SLK: variants seen among roughly 807,000 people sequenced by gnomAD.
SLK encodes the protein STE20 like kinase.
A neutral mutation model predicts 147.7 loss-of-function variants in SLK; 67 were observed. That is an observed-to-expected ratio of 0.45 (90% CI 0.37 to 0.56). The LOEUF (loss-of-function observed/expected upper bound fraction) is 0.56. Among genes scored for constraint, SLK ranks in the 20% least tolerant of loss-of-function variants. SLK has a pLI of 0.00. For missense variants in SLK, 1,136 were observed against 1,438.8 expected (o/e 0.79, Z 3.41); for synonymous variants, 441 against 475.0 (o/e 0.93, Z 0.93).
At chr10:103,997,524 C>T (rs1430137883) in intron 4 of SLK, among the ~76,000 whole-genome samples, 1 of 151,916 alleles carries the variant, frequency 6.6e-6, no homozygotes, top group Non-Finnish European at 1.5e-5. Flanking sequence ...GCAACTGCAC[C>T]ATTTTACATT....
intron 18 of SLK, among the ~76,000 whole-genome samples, chr10:104,023,672 A>G (rs1447425311): frequency 6.6e-6 from 1 of 152,082 alleles, no homozygotes; most frequent in Non-Finnish European, 1.5e-5. Context: ...TGGTCACTGT[A>G]TCTCAGTAGC....
chr10:103,988,514 A>G (rs1844048480), intron 1 of SLK, among the ~76,000 whole-genome samples: 1 of 152,154 alleles, frequency 6.6e-6, no homozygotes, highest in Non-Finnish European at 1.5e-5. Flanking sequence ...TTAATTTCAC[A>G]CACAAAAATT....
intron 1 of SLK, among the ~76,000 whole-genome samples, chr10:103,980,922 A>G (rs1843932891): frequency 1.3e-5 from 2 of 152,102 alleles, no homozygotes; most frequent in Non-Finnish European, 2.9e-5. Context: ...CTGTAGCTGT[A>G]CCAATTTTAC....
intron 7 of SLK, among the ~76,000 whole-genome samples, chr10:104,000,781 G>A (rs1763364956): frequency 6.6e-6 from 1 of 152,170 alleles, no homozygotes; most frequent in Non-Finnish European, 1.5e-5. Context: ...AATGAGGCCA[G>A]GTGTAGTGGC....
At chr10:103,982,902 A>G (rs1843964986) in intron 1 of SLK, among the ~76,000 whole-genome samples, 1 of 152,226 alleles carries the variant, frequency 6.6e-6, no homozygotes, top group Admixed American at 6.5e-5. Flanking sequence ...TAGGGTTTGA[A>G]TCCCAAGTCT....
intron 12 of SLK, 68 bp downstream of exon 12, chr10:104,008,424 A>G: frequency 9.0e-7 from 1 of 1,114,782 alleles, no homozygotes; most frequent in South Asian, 1.6e-5. Context: ...AAGACTATCT[A>G]AGGATTTAGG....
intron 1 of SLK, among the ~76,000 whole-genome samples, chr10:103,969,572 T>C (rs900438619): frequency 6.6e-6 from 1 of 152,250 alleles, no homozygotes; most frequent in Non-Finnish European, 1.5e-5. Flanking sequence ...TGTCTGCATA[T>C]GAATGCTGTC....
At chr10:103,996,547 C>T (rs923645212) in intron 4 of SLK, among the ~76,000 whole-genome samples, 1 of 151,762 alleles carries the variant, frequency 6.6e-6, no homozygotes, top group Non-Finnish European at 1.5e-5. Flanking sequence ...TACAGGCGCC[C>T]GTCACCACGC....
At chr10:103,989,417 G>GTGTA (rs1844059266) in intron 1 of SLK, among the ~76,000 whole-genome samples, 1 of 150,932 alleles carries the variant, frequency 6.6e-6, no homozygotes, top group Admixed American at 6.6e-5. Context: ...CATTGCTGGT[G>GTGTA]TGTATGCAGA....
chr10:104,005,907 A>G lies in SLK; in HGVS notation c.2481-5A>G, dbSNP rs776241655. On this transcript the variant is annotated splice_region_variant and splice_polypyrimidine_tract_variant and intron_variant, in intron 10 of 18. Transcript: ENST00000369755. The stretch of plus-strand genomic sequence containing the variant: ...TTCTCTATCATTACCATTAAATTTT[A>G]TCAGACGTCAGGAACTTCGGGAATT... The G allele has an allele frequency of 1.9e-6, 3 of 1,599,392 alleles. No individual in the cohort carries two copies. The highest frequency in any genetic ancestry group is 2.5e-6 in the Non-Finnish European group (3 of 1,176,688).
chr10:103,982,808 T>A (rs1843963524), intron 1 of SLK, among the ~76,000 whole-genome samples: 1 of 152,196 alleles, frequency 6.6e-6, no homozygotes, highest in South Asian at 2.1e-4. Context: ...ATTTCACCTC[T>A]CATGAAGAGA....
rs572047592 is a variant in SLK, at chr10:103,991,568, G to A, written c.315+729G>A. Among the ~76,000 whole-genome samples, 4 of 152,054 alleles carry A rather than the reference G, an allele frequency of 2.6e-5. No homozygotes were observed. In the South Asian group the frequency reaches 8.3e-4, roughly 32 times the overall value. On this transcript the variant is annotated intron_variant, in intron 2 of 18. Coordinates refer to ENST00000369755, the MANE Select transcript of SLK (RefSeq NM_014720.4). ...TAAAGGTCTATATTTTTTTATCCCAGTGCTGCCACTTACGGAACTTGGATA... is the reference window on the plus strand; with the variant it reads ...TAAAGGTCTATATTTTTTTATCCCAATGCTGCCACTTACGGAACTTGGATA...
intron 7 of SLK, among the ~76,000 whole-genome samples, chr10:104,000,417 G>A (rs1844230094): frequency 6.6e-6 from 1 of 152,116 alleles, no homozygotes; most frequent in Non-Finnish European, 1.5e-5. Context: ...GACAAATCTT[G>A]AGGCAATTAC....
At chr10:104,021,855 A>G in intron 18 of SLK, 122 bp downstream of exon 18, 1 of 594,134 alleles carries the variant, frequency 1.7e-6, no homozygotes, top group Non-Finnish European at 3.0e-6. Flanking sequence ...ATGAAAAGAC[A>G]AAGTTTTTGT....
chr10:103,981,925 G>T (rs562860142), intron 1 of SLK, among the ~76,000 whole-genome samples: 35 of 152,170 alleles, frequency 2.3e-4, no homozygotes, highest in African/African-American at 7.7e-4. Context: ...GGGTAGTATT[G>T]ACATTTTAAC....
chr10:104,018,778 T>C lies in SLK; in HGVS notation c.3008-6T>C, dbSNP rs1211702720. 1.2e-6 allele frequency: 2 copies of C among 1,605,182 alleles called. No individual in the cohort carries two copies. The highest frequency in any genetic ancestry group is 8.5e-7 in the Non-Finnish European group (1 of 1,177,798). On this transcript the variant is annotated splice_polypyrimidine_tract_variant and splice_region_variant and intron_variant, in intron 14 of 18. Transcript: ENST00000369755. ...AAGTGACATTTTGAAAACTGCTGTC[T>C]TCTAGCTCGAGAAGCTGCAATTTGG...
At chr10:103,989,618 G>A (rs1292790961) in intron 1 of SLK, among the ~76,000 whole-genome samples, 2 of 151,726 alleles carry the variant, frequency 1.3e-5, no homozygotes, top group Non-Finnish European at 2.9e-5. Flanking sequence ...ACAGGTGCCC[G>A]ACACCACGCC....
chr10:104,027,749 AGTGTGTG>A lies in SLK; in HGVS notation c.*2033_*2039del, dbSNP rs892351478. On this transcript the variant is annotated 3_prime_UTR_variant, in exon 19 of 19. Transcript: ENST00000369755. The stretch of plus-strand genomic sequence containing the variant: ...TTAATTGATACCCTGTGCGCTAAAT[AGTGTGTG>A]GTGCCTGATTAATTTGGTCTGAATA... The A allele has an allele frequency of 3.3e-5, 5 of 152,092 alleles. No homozygotes were observed. The highest frequency in any genetic ancestry group is 1.2e-4 in the African/African-American group (5 of 41,392). 9.4% of individuals were successfully genotyped at this position (152,092 alleles called of 1,614,324 possible).
chr10:104,005,934 A>T lies in SLK; in HGVS notation c.2503A>T (p.Arg835Ter). 6.2e-7 allele frequency: 1 copy of T among 1,610,306 alleles called. No homozygotes were observed. Among genetic ancestry groups the T allele is most frequent in the Non-Finnish European group, 8.5e-7 (1 of 1,179,108 alleles). ...CAGACGTCAGGAACTTCGGGAATTA[A>T]GATTTCTTCAGAAAGAAGAGCAAAG... is the stretch of plus-strand genomic sequence containing the variant. Reference protein sequence around the residue: ...FLRRQELRELRFLQKEEQRAQ... With the variant: ...FLRRQELREL Residue 835 changes from arginine (R) to a stop codon, truncating the protein, a stop_gained, in exon 11 of 19, where the codon AGA becomes TGA. Coordinates refer to ENST00000369755, the MANE Select transcript of SLK (RefSeq NM_014720.4). LOFTEE classifies it high-confidence loss of function.
Sources: allele counts gnomAD v4.1 joint callset (sites outside exome capture counted in the v4.1 genomes callset), GRCh38; gene constraint gnomAD v4.1.1; transcripts MANE v1.5; gene names NCBI Gene and HGNC (gene_info 2026-07-23, HGNC 2026-07-21).